ZNF417: variants seen among roughly 807,000 people sequenced by gnomAD.
ZNF417 encodes the protein zinc finger protein 417.
ZNF417 carries 5 observed loss-of-function variants against 7.4 expected under a neutral mutation model. The observed-to-expected ratio is 0.68, with a 90% CI of 0.35 to 1.43. The LOEUF (loss-of-function observed/expected upper bound fraction) is 1.43. Ranked by LOEUF, ZNF417 falls within the 40% of genes most tolerant of loss-of-function variation. The pLI, the probability that ZNF417 is intolerant of heterozygous loss-of-function variation, is 0.04. For missense variants in ZNF417, 437 were observed against 697.3 expected (o/e 0.63, Z 4.20); for synonymous variants, 147 against 239.1 (o/e 0.61, Z 3.55).
rs747330288 is a variant in ZNF417, at chr19:57,912,138, A to G, written c.85T>C (p.Trp29Arg). Residue 29 changes from tryptophan to arginine, a missense_variant, in exon 2 of 3, where the codon TGG (tryptophan) becomes CGG (arginine). Trp to Arg is a moderately radical substitution (Grantham distance 101). This residue lies in a region of ZNF417 where 57 missense variants were observed against 70.7 expected (regional missense o/e 0.81). Transcript: ENST00000312026. ...CTCTGAGCCTCACTAAGAAGACACC[A>G]CTCCTCCTGGGAAAAGTTCACAGCC... Reference protein sequence around the residue: ...DVAVNFSQEEWCLLSEAQRCL... With the variant: ...DVAVNFSQEERCLLSEAQRCL... 1.7e-5 allele frequency: 28 copies of G among 1,612,034 alleles called. No homozygotes were observed. The Admixed American group carries it at 4.7e-4, about 27-fold the overall frequency.
Position 57,908,395 on chromosome 19 carries a change from C to T in ZNF417, c.*155G>A. 4.3e-6 allele frequency: 6 copies of T among 1,406,068 alleles called. No homozygotes were observed. Among genetic ancestry groups the T allele is most frequent in the Non-Finnish European group, 5.8e-6 (6 of 1,027,264 alleles). 87.1% of individuals were successfully genotyped at this position (1,406,068 alleles called of 1,614,324 possible). On this transcript the variant is annotated 3_prime_UTR_variant, in exon 3 of 3. Transcript: ENST00000312026. ...CTCCAGCCTGGGTGACAGAATGAGACTCCGTTCCAATGCGAAGTCTCTTAA... is the reference window on the plus strand; with the variant it reads ...CTCCAGCCTGGGTGACAGAATGAGATTCCGTTCCAATGCGAAGTCTCTTAA...
chr19:57,910,431 A>T (rs1167867968), intron 2 of ZNF417, among the ~76,000 whole-genome samples: 1 of 152,114 alleles, frequency 6.6e-6, no homozygotes, highest in Non-Finnish European at 1.5e-5. Context: ...CTGTAATCCC[A>T]GCCACTCGGG....
intron 1 of ZNF417, among the ~76,000 whole-genome samples, chr19:57,914,566 CAT>C (rs1002059149): frequency 6.8e-6 from 1 of 148,024 alleles, no homozygotes; most frequent in Non-Finnish European, 1.5e-5. Flanking sequence ...TATCCAGACT[CAT>C]GTGATTTGCC....
In ZNF417 at chr19:57,907,291, T is replaced by C. The variant is rs2071840947; in HGVS notation, c.*1259A>G. On this transcript the variant is annotated 3_prime_UTR_variant, in exon 3 of 3. Transcript: ENST00000312026. ...AAGCATCTTAGTAAAATAACAGATATTCCATTTGCAAATTATGCTCCCCAA... is the reference window on the plus strand; with the variant it reads ...AAGCATCTTAGTAAAATAACAGATACTCCATTTGCAAATTATGCTCCCCAA... 6.6e-6 allele frequency: 1 copy of C among 152,446 alleles called. No individual in the cohort carries two copies. The highest frequency in any genetic ancestry group is 2.4e-5 in the African/African-American group (1 of 41,444). 9.4% of individuals were successfully genotyped at this position (152,446 alleles called of 1,614,324 possible).
Position 57,906,685 on chromosome 19 carries a change from T to G in ZNF417, c.*1865A>C, listed in dbSNP as rs1169170057. ...CTGAGGCAAGAGAATCACTTGAACCTGGGAGGCGGAGGTTGCAGTGAGCCG... is the reference window on the plus strand; with the variant it reads ...CTGAGGCAAGAGAATCACTTGAACCGGGGAGGCGGAGGTTGCAGTGAGCCG... On this transcript the variant is annotated 3_prime_UTR_variant, in exon 3 of 3. Coordinates refer to ENST00000312026, the MANE Select transcript of ZNF417 (RefSeq NM_152475.3). 3.3e-5 allele frequency among the ~76,000 whole-genome samples: 4 copies of G among 122,252 alleles called. No homozygotes were observed. In the East Asian group the frequency reaches 1.0e-3, roughly 31 times the overall value. 80.2% of individuals were successfully genotyped at this position (122,252 alleles called of 152,430 possible). A position where few individuals can be genotyped will look rare whatever the true frequency, so the allele number is the denominator to read the frequency against.
In ZNF417 at chr19:57,912,066, A is replaced by G. The variant is rs1447352247; in HGVS notation, c.157T>C (p.Ser53Pro). Residue 53 changes from serine to proline, a missense_variant, in exon 2 of 3, where the codon TCG becomes CCG. By Grantham distance (74) the Ser-to-Pro change is moderately conservative. Around this residue, in one of 5 missense-constraint regions of ZNF417, gnomAD observed 57 missense variants for 70.7 expected, o/e 0.81. Coordinates refer to ENST00000312026, the MANE Select transcript of ZNF417 (RefSeq NM_152475.3). Reference protein sequence around the residue: ...VMLENLALISSLGCWCGSKDE... With the variant: ...VMLENLALISPLGCWCGSKDE... ...GTGAGCGTGAGCAACTTACCCAGCG[A>G]GGATATGAGAGCCAGGTTCTCTAGC... 1.9e-6 allele frequency: 3 copies of G among 1,576,638 alleles called. No individual in the cohort carries two copies. Among genetic ancestry groups the G allele is most frequent in the Non-Finnish European group, 2.6e-6 (3 of 1,160,054 alleles).
Position 57,907,536 on chromosome 19 carries a change from G to A in ZNF417, c.*1014C>T, listed in dbSNP as rs535828218. 1 of 154,964 alleles carries A rather than the reference G, an allele frequency of 6.5e-6. No individual in the cohort carries two copies. The highest frequency in any genetic ancestry group is 2.0e-4 in the South Asian group (1 of 4,924). The allele number at this position is 154,964 out of a possible 1,614,324, so 9.6% of individuals were successfully genotyped here. On this transcript the variant is annotated 3_prime_UTR_variant, in exon 3 of 3. Transcript: ENST00000312026. ...CAGCCCTCAGGGAAGCTGAGGAGGT[G>A]GCTCCCTGCCTCCGGGTCCCTCAGA...
In ZNF417 at chr19:57,909,156, G is replaced by A. The variant is rs1445744009; in HGVS notation, c.1122C>T (p.His374=). 1.6e-5 allele frequency: 26 copies of A among 1,614,066 alleles called. No individual in the cohort carries two copies. The highest frequency in any genetic ancestry group is 2.2e-5 in the Non-Finnish European group (26 of 1,180,030). ...KFCFINHQRV[H]TGERPYKCGE... Reference sequence around the variant, plus strand: ...CACACTTGTAAGGCCTTTCTCCAGTGTGAACACGCTGATGGTTAATAAAGC... The same window carrying A: ...CACACTTGTAAGGCCTTTCTCCAGTATGAACACGCTGATGGTTAATAAAGC... The change falls in exon 3 of 3, where the codon CAC becomes CAT. Residue 374 remains histidine (H), a synonymous_variant. Transcript: ENST00000312026.
At chr19:57,916,086 T>A (rs1161914429) in intron 1 of ZNF417, among the ~76,000 whole-genome samples, 2 of 152,250 alleles carry the variant, frequency 1.3e-5, no homozygotes, top group East Asian at 1.9e-4. Context: ...TGAGTAATAA[T>A]AAAACTCCTG....
intron 1 of ZNF417, among the ~76,000 whole-genome samples, chr19:57,914,875 A>AG (rs2071933794): frequency 6.6e-6 from 1 of 152,222 alleles, no homozygotes; most frequent in African/African-American, 2.4e-5. Context: ...GAGATTCTCC[A>AG]GGGTCCTCGG....
intron 1 of ZNF417, among the ~76,000 whole-genome samples, 158 bp downstream of exon 1, chr19:57,916,196 ACCCACTGGACAGTTACACAGGGACC>A (rs375078585): frequency 0.028 from 4,197 of 152,316 alleles, 208 homozygotes; most frequent in African/African-American, 0.094. Context: ...GGCAAGGTGA[ACCCACTGGACAGTTACACAGGGACC>A]CCCACTGGAC....
chr19:57,912,095 A>G lies in ZNF417; in HGVS notation c.128T>C (p.Val43Ala), dbSNP rs369076317. Residue 43 changes from valine (V) to alanine (A), a missense_variant, in exon 2 of 3, where the codon GTG (valine) becomes GCG (alanine). Around this residue, in one of 5 missense-constraint regions of ZNF417, gnomAD observed 57 missense variants for 70.7 expected, o/e 0.81. Transcript: ENST00000312026. ...TATGAGAGCCAGGTTCTCTAGCATC[A>G]CATCACGGTACAAGCACCTCTGAGC... ...SEAQRCLYRDVMLENLALISS... is the reference protein window; with the variant it reads ...SEAQRCLYRDAMLENLALISS... 4 of 1,602,522 alleles carry G rather than the reference A, an allele frequency of 2.5e-6. No individual in the cohort carries two copies. In the African/African-American group the frequency reaches 4.0e-5, roughly 16 times the overall value.
Position 57,909,049 on chromosome 19 carries a change from C to T in ZNF417, c.1229G>A (p.Cys410Tyr). The T allele has an allele frequency of 1.2e-6, 2 of 1,614,148 alleles. No individual in the cohort carries two copies. Among genetic ancestry groups the T allele is most frequent in the South Asian group, 1.1e-5 (1 of 91,082 alleles). ...RGHTGERPYE[C>Y]KECGKSFRYR... The stretch of plus-strand genomic sequence containing the variant: ...CCTAAATGATTTCCCACATTCCTTG[C>T]ACTCATAGGGCCTTTCTCCAGTATG... Residue 410 changes from cysteine to tyrosine, a missense_variant, in exon 3 of 3, where the codon TGC becomes TAC. Coordinates refer to ENST00000312026, the MANE Select transcript of ZNF417 (RefSeq NM_152475.3).
In ZNF417 at chr19:57,909,264, G is replaced by A. The variant is rs1222721649; in HGVS notation, c.1014C>T (p.Asn338=). 1 of 1,614,092 alleles carries A rather than the reference G, an allele frequency of 6.2e-7. No individual in the cohort carries two copies. Among genetic ancestry groups the A allele is most frequent in the Non-Finnish European group, 8.5e-7 (1 of 1,179,990 alleles). The change falls in exon 3 of 3, where the codon AAC becomes AAT. Residue 338 remains asparagine, a synonymous_variant. Transcript: ENST00000312026. ...TGTGACCTTGCTGATGTTGAATGAG[G>A]TTACCCTTTTGACCAAAAGATTTCC... ...EYGKSFGQKG[N]LIQHQQGHTG...
intron 1 of ZNF417, among the ~76,000 whole-genome samples, chr19:57,913,813 GAT>G (rs1476736555): frequency 6.6e-6 from 1 of 152,108 alleles, no homozygotes; most frequent in African/African-American, 2.4e-5. Flanking sequence ...GTAAGTAAGA[GAT>G]CCACTCCTCA....
chr19:57,911,162 C>T (rs2071896130), intron 2 of ZNF417, among the ~76,000 whole-genome samples: 1 of 152,160 alleles, frequency 6.6e-6, no homozygotes, highest in African/African-American at 2.4e-5. Context: ...GTAATCGATA[C>T]ACCAATATCA....
At chr19:57,913,937 A>T (rs10412925) in intron 1 of ZNF417, among the ~76,000 whole-genome samples, 107,897 of 152,084 alleles carry the variant, frequency 0.71, 39,261 homozygotes, top group African/African-American at 0.88. Flanking sequence ...TTAGCTTTCA[A>T]ATATTGGATG....
intron 1 of ZNF417, among the ~76,000 whole-genome samples, chr19:57,913,207 T>C (rs1387219385): frequency 6.6e-6 from 1 of 152,104 alleles, no homozygotes; most frequent in East Asian, 1.9e-4. Context: ...ATTCTGGCCT[T>C]ATACCAAAAT....
intron 1 of ZNF417, chr19:57,915,408 G>C (rs2071938522): frequency 5.4e-6 from 2 of 373,022 alleles, no homozygotes; most frequent in African/African-American, 4.4e-5. Context: ...TTCCAGACAG[G>C]TTCCATCCTC....
Sources: gnomAD v4.1 joint callset for allele counts (sites outside exome capture counted in the v4.1 genomes callset) on GRCh38, gnomAD v4.1.1 for gene constraint, gnomAD v4.1.1 regional missense constraint, MANE v1.5 for transcripts, NCBI Gene and HGNC (gene_info 2026-07-23, HGNC 2026-07-21) for gene names.